Variants in KCNK9 observed in about 807,000 individuals in gnomAD.
KCNK9 encodes the protein potassium channel subfamily K member 9.
Under a neutral mutation model 10.8 loss-of-function variants are expected in KCNK9, and 1 was observed. The observed-to-expected ratio is 0.09, with a 90% CI of 0.03 to 0.44. The LOEUF is 0.44. KCNK9 is among the 20% of genes least tolerant of loss of function. The probability of loss-of-function intolerance (pLI) is 0.97; values close to 1 mark genes in which losing one functional copy is unlikely to be tolerated. For synonymous variants in KCNK9, 231 were observed against 222.7 expected, an observed-to-expected ratio of 1.04 and a Z score of -0.33; for missense variants, 303 against 515.0, an observed-to-expected ratio of 0.59 and a Z score of 3.98.
chr8:139,659,251 C>T (rs1406826628), intron 1 of KCNK9, among the ~76,000 whole-genome samples: 4 of 152,106 alleles, frequency 2.6e-5, no homozygotes, highest in Non-Finnish European at 5.9e-5. Flanking sequence ...AGGCTGGAGT[C>T]CTGACCCCCT....
At chr8:139,625,399 C>T (rs1289954234) in intron 1 of KCNK9, among the ~76,000 whole-genome samples, 1 of 152,246 alleles carries the variant, frequency 6.6e-6, no homozygotes, top group Non-Finnish European at 1.5e-5. Context: ...CACCTTGGGC[C>T]AGACCGTGAG....
In KCNK9 at chr8:139,618,513, G is replaced by A. The variant is rs538365367; in HGVS notation, c.870C>T (p.Val290=). 10 of 1,613,624 alleles carry A rather than the reference G, an allele frequency of 6.2e-6. No homozygotes were observed. In the Admixed American group the frequency reaches 1.0e-4, roughly 16 times the overall value. ...AGGAGCACACAGACTGCAGGTCCGG[G>A]ACGTCCGCCTTGTACCTGGGCCGGC... The part of the protein sequence containing the change: ...RPSRPRYKAD[V]PDLQSVCSCT... The change falls in exon 2 of 2, where the codon GTC becomes GTT. Residue 290 remains valine, a synonymous_variant. Coordinates refer to ENST00000520439, the MANE Select transcript of KCNK9 (RefSeq NM_001282534.2). This position sits in a 1 kb window ranked among gnomAD's most constrained non-coding sequence, Gnocchi z 7.9.
At chr8:139,609,227 G>A (rs1304229038), downstream of KCNK9, among the ~76,000 whole-genome samples, 1 of 142,706 alleles carries the variant, frequency 7.0e-6, no homozygotes, top group African/African-American at 2.6e-5. Context: ...TATGCCAAAT[G>A]GGGGTGCTCT....
At chr8:139,615,518 C>A (rs926901612), downstream of KCNK9, among the ~76,000 whole-genome samples, 68 of 152,186 alleles carry the variant, frequency 4.5e-4, no homozygotes, top group African/African-American at 1.6e-3. Flanking sequence ...AAGAGATGGA[C>A]CATCTGAGCA....
At chr8:139,649,351 T>C (rs1462854406) in intron 1 of KCNK9, among the ~76,000 whole-genome samples, 1 of 152,208 alleles carries the variant, frequency 6.6e-6, no homozygotes, top group Non-Finnish European at 1.5e-5. Context: ...GAGATGAGCT[T>C]GGACCCGTTG....
At chr8:139,700,520 GCACACACACACACA>G (rs765602878) in intron 1 of KCNK9, among the ~76,000 whole-genome samples, 4 of 141,410 alleles carry the variant, frequency 2.8e-5, no homozygotes, top group African/African-American at 8.0e-5. Flanking sequence ...GCGCGCGCGC[GCACACACACACACA>G]CACACGCGCG....
At chr8:139,611,928 T>A (rs1039335701), downstream of KCNK9, 1 of 152,226 alleles carries the variant, frequency 6.6e-6, no homozygotes, top group African/African-American at 2.4e-5. Context: ...GCCTTTATTC[T>A]CGCGATGGTC....
At chr8:139,695,115 T>A (rs1817020217) in intron 1 of KCNK9, among the ~76,000 whole-genome samples, 1 of 152,242 alleles carries the variant, frequency 6.6e-6, no homozygotes, top group South Asian at 2.1e-4. Context: ...TGTGCTCAGG[T>A]ATCAATGCCA....
Position 139,692,406 on chromosome 8 carries a change from G to A in KCNK9, c.283+10304C>T, listed in dbSNP as rs530532470. On this transcript the variant is annotated intron_variant, in intron 1 of 1. Transcript: ENST00000520439. ...GTGATCATGGGGTCTCAGGAGAGTCGTAGGGAATTTCCTCCCTTTCACGAA... is the reference window on the plus strand; with the variant it reads ...GTGATCATGGGGTCTCAGGAGAGTCATAGGGAATTTCCTCCCTTTCACGAA... 3.2e-4 allele frequency among the ~76,000 whole-genome samples: 49 copies of A among 152,352 alleles called. 2 individuals are homozygous for A. In the South Asian group the frequency reaches 6.0e-3, roughly 19 times the overall value.
intron 1 of KCNK9, among the ~76,000 whole-genome samples, chr8:139,642,606 GGGCACACCCA>G (rs1477239857): frequency 1.3e-5 from 2 of 152,188 alleles, no homozygotes; most frequent in African/African-American, 4.8e-5. Flanking sequence ...ACACCTGGCC[GGGCACACCCA>G]GGCAAAGAGC....
At chr8:139,639,020 T>TC (rs1815419334) in intron 1 of KCNK9, among the ~76,000 whole-genome samples, 1 of 139,538 alleles carries the variant, frequency 7.2e-6, no homozygotes, top group Non-Finnish European at 1.5e-5. Flanking sequence ...CATCCCACCC[T>TC]CCCCCAGGCC....
At chr8:139,620,956 A>G (rs1401419878) in intron 1 of KCNK9, among the ~76,000 whole-genome samples, 1 of 152,138 alleles carries the variant, frequency 6.6e-6, no homozygotes, top group Non-Finnish European at 1.5e-5. Flanking sequence ...AAGGAAAGAG[A>G]ATCAGACAAA....
At chr8:139,679,560 G>A (rs1816638850) in intron 1 of KCNK9, among the ~76,000 whole-genome samples, 1 of 152,232 alleles carries the variant, frequency 6.6e-6, no homozygotes, top group Non-Finnish European at 1.5e-5. Flanking sequence ...AGCTTAGCAG[G>A]AATCTGTCGA....
intron 1 of KCNK9, among the ~76,000 whole-genome samples, chr8:139,684,307 A>T (rs1016514144): frequency 6.6e-6 from 1 of 152,240 alleles, no homozygotes; most frequent in Non-Finnish European, 1.5e-5. Context: ...GATAGCAGTT[A>T]TAACATTTGA....
At position 139,654,015 on chromosome 8, in the gene KCNK9, A is replaced by G. The variant is rs769084848; in HGVS notation, c.284-34916T>C. Among the ~76,000 whole-genome samples the G allele has an allele frequency of 4.6e-5, 7 of 152,254 alleles. 1 individual carries two copies. The highest frequency in any genetic ancestry group is 4.1e-4 in the South Asian group (2 of 4,832). On this transcript the variant is annotated intron_variant, in intron 1 of 1. Coordinates refer to ENST00000520439, the MANE Select transcript of KCNK9 (RefSeq NM_001282534.2). The stretch of plus-strand genomic sequence containing the variant: ...TGGGCAAGTCCGTGGCTCATGGGCC[A>G]CACAAGTGGGTGTTCGGCCTGGACT...
chr8:139,687,554 ATATG>A (rs1816834627), intron 1 of KCNK9, among the ~76,000 whole-genome samples: 7 of 127,562 alleles, frequency 5.5e-5, no homozygotes, highest in African/African-American at 2.2e-4. Flanking sequence ...ATATTCATAT[ATATG>A]TATACATATA....
chr8:139,657,429 G>A (rs928601188), intron 1 of KCNK9, among the ~76,000 whole-genome samples: 35 of 152,098 alleles, frequency 2.3e-4, no homozygotes, highest in South Asian at 2.1e-4. Context: ...CAGGTCTCCC[G>A]GCCAGAGCAG....
At chr8:139,608,982 T>C (rs1404872129), downstream of KCNK9, among the ~76,000 whole-genome samples, 1 of 151,928 alleles carries the variant, frequency 6.6e-6, no homozygotes, top group Non-Finnish European at 1.5e-5. Context: ...TGATGTGAAA[T>C]GCCCACTGCC....
At chr8:139,606,979 C>T (rs1814239892) in intron 2 of KCNK9, among the ~76,000 whole-genome samples, 1 of 152,122 alleles carries the variant, frequency 6.6e-6, no homozygotes, top group African/African-American at 2.4e-5. Context: ...CATCCCCCCG[C>T]AACACACACA....
Sources: allele counts gnomAD v4.1 joint callset (sites outside exome capture counted in the v4.1 genomes callset), GRCh38; gene constraint gnomAD v4.1.1; non-coding constraint Gnocchi (gnomAD v3.1); transcripts MANE v1.5; gene names NCBI Gene and HGNC (gene_info 2026-07-23, HGNC 2026-07-21).